The following MYO1E variants were observed in gnomAD, a reference collection of about 807,000 sequenced individuals.
MYO1E encodes unconventional myosin-Ie.
In MYO1E, 68 loss-of-function variants were observed where a neutral mutation model predicts 151.1. The ratio of observed to expected loss-of-function variants is 0.45; its 90% CI spans 0.37 to 0.55. The LOEUF is 0.55. Ranked by LOEUF, MYO1E falls within the 20% of genes least tolerant of loss-of-function variation. MYO1E has a pLI of 0.00. For synonymous variants in MYO1E, 601 were observed against 501.7 expected, an observed-to-expected ratio of 1.20 and a Z score of -2.64; for missense variants, 1,363 against 1,389.3, an observed-to-expected ratio of 0.98 and a Z score of 0.30.
intron 1 of MYO1E, among the ~76,000 whole-genome samples, chr15:59,273,862 C>A (rs62002722): frequency 0.16 from 23,966 of 152,024 alleles, 1,979 homozygotes; most frequent in Non-Finnish European, 0.19. Context: ...GCCCCTGCCC[C>A]CTCCCTGCTC....
chr15:59,232,455 G>A (rs913124266), intron 5 of MYO1E, among the ~76,000 whole-genome samples: 5 of 152,202 alleles, frequency 3.3e-5, no homozygotes, highest in African/African-American at 1.2e-4. Flanking sequence ...ACAGTGGATC[G>A]TGTGGAACGA....
intron 16 of MYO1E, among the ~76,000 whole-genome samples, chr15:59,196,284 G>C (rs2079765848): frequency 6.6e-6 from 1 of 152,100 alleles, no homozygotes; most frequent in African/African-American, 2.4e-5. Context: ...ACTCAAAGTA[G>C]AACTGGATTC....
At chr15:59,234,850 A>G (rs1235271198) in intron 5 of MYO1E, among the ~76,000 whole-genome samples, 2 of 150,742 alleles carry the variant, frequency 1.3e-5, no homozygotes, top group Non-Finnish European at 2.9e-5. Context: ...AAAGGGAACC[A>G]CAATAAAGAG....
intron 1 of MYO1E, among the ~76,000 whole-genome samples, chr15:59,276,764 C>T (rs2080321734): frequency 6.6e-6 from 1 of 152,182 alleles, no homozygotes; most frequent in Non-Finnish European, 1.5e-5. Context: ...GATTCCCTGA[C>T]TGATTTTTTC....
Position 59,183,519 on chromosome 15 carries a change from G to C in MYO1E, c.1904+4599C>G, listed in dbSNP as rs574671005. ...CTGGACTGATAAGTTTTTTTTGGGG[G>C]GTGGATACATAGTAGGTATACATAT... is the stretch of plus-strand genomic sequence containing the variant. On this transcript the variant is annotated intron_variant, in intron 18 of 27. Transcript: ENST00000288235. 6.6e-5 allele frequency among the ~76,000 whole-genome samples: 10 copies of C among 151,858 alleles called. No homozygotes were observed. In the South Asian group the frequency reaches 1.9e-3, roughly 28 times the overall value.
chr15:59,336,654 GGTTT>G (rs1459961416), intron 1 of MYO1E, among the ~76,000 whole-genome samples: 1 of 151,830 alleles, frequency 6.6e-6, no homozygotes, highest in Non-Finnish European at 1.5e-5. Flanking sequence ...AGAACGTGCG[GGTTT>G]GTTACATAGG....
rs150973110 is a variant in MYO1E, at chr15:59,230,053, A to G, written c.510+1649T>C. ...TTAAAATTTTAATAACAATTGCCCA[A>G]TCACTTTCCTGGAAGAATGTGTCAG... On this transcript the variant is annotated intron_variant, in intron 6 of 27. Coordinates refer to ENST00000288235, the MANE Select transcript of MYO1E (RefSeq NM_004998.4). 3.0e-4 allele frequency among the ~76,000 whole-genome samples: 46 copies of G among 152,314 alleles called. No individual in the cohort carries two copies. The East Asian group carries it at 8.3e-3, about 27-fold the overall frequency.
intron 26 of MYO1E, among the ~76,000 whole-genome samples, chr15:59,140,232 T>G (rs1373328804): frequency 6.6e-6 from 1 of 152,212 alleles, no homozygotes; most frequent in African/African-American, 2.4e-5. Context: ...ATCTTCTAGC[T>G]TTAAAGTTAT....
intron 22 of MYO1E, among the ~76,000 whole-genome samples, chr15:59,164,919 G>A (rs1163267252): frequency 3.3e-5 from 5 of 152,158 alleles, no homozygotes; most frequent in African/African-American, 1.2e-4. Flanking sequence ...TAAGTTACAA[G>A]GAAGAGGTCC....
intron 26 of MYO1E, among the ~76,000 whole-genome samples, chr15:59,152,244 C>T (rs1170755334): frequency 6.6e-6 from 1 of 152,094 alleles, no homozygotes; most frequent in Non-Finnish European, 1.5e-5. Context: ...AAGCAACCAA[C>T]CAACAAACAA....
At chr15:59,192,602 T>C (rs149349194) in intron 17 of MYO1E, among the ~76,000 whole-genome samples, 7 of 152,316 alleles carry the variant, frequency 4.6e-5, no homozygotes, top group Non-Finnish European at 8.8e-5. Flanking sequence ...GGGAGTCTTT[T>C]TCCAAGACTG....
chr15:59,368,945 T>C (rs1246384216), intron 1 of MYO1E, among the ~76,000 whole-genome samples: 5 of 152,208 alleles, frequency 3.3e-5, no homozygotes, highest in African/African-American at 1.2e-4. Flanking sequence ...CACTTGTCCC[T>C]AGATAATGTC....
At chr15:59,260,205 C>T (rs563357618) in intron 3 of MYO1E, among the ~76,000 whole-genome samples, 1 of 152,332 alleles carries the variant, frequency 6.6e-6, no homozygotes, top group Admixed American at 6.5e-5. Context: ...CCATCTACAG[C>T]GCCTTGGCTG....
chr15:59,294,661 C>A (rs373660379), intron 1 of MYO1E, among the ~76,000 whole-genome samples: 1 of 152,154 alleles, frequency 6.6e-6, no homozygotes, highest in African/African-American at 2.4e-5. Context: ...CCCCACAGGA[C>A]GGGGGTTTGA....
chr15:59,241,832 T>C (rs1192082864), intron 4 of MYO1E, among the ~76,000 whole-genome samples: 1 of 151,996 alleles, frequency 6.6e-6, no homozygotes, highest in African/African-American at 2.4e-5. Flanking sequence ...GGTGGGAGGA[T>C]TGTTTGAGTC....
chr15:59,147,870 G>A (rs1482379468), intron 26 of MYO1E, among the ~76,000 whole-genome samples: 3 of 151,894 alleles, frequency 2.0e-5, no homozygotes, highest in Middle Eastern at 3.2e-3. Flanking sequence ...CCCATTCCCC[G>A]CATTACAGCC....
chr15:59,372,017 G>A (rs1271910494), intron 1 of MYO1E, among the ~76,000 whole-genome samples: 1 of 149,906 alleles, frequency 6.7e-6, no homozygotes, highest in South Asian at 2.1e-4. Context: ...GCCGGGCAGC[G>A]GAGCGGCGGC....
At chr15:59,279,551 G>A (rs2080340999) in intron 1 of MYO1E, among the ~76,000 whole-genome samples, 1 of 152,132 alleles carries the variant, frequency 6.6e-6, no homozygotes, top group South Asian at 2.1e-4. Context: ...ACACAAATCA[G>A]TCAACCTCTT....
At chr15:59,317,175 T>C (rs1237165850) in intron 1 of MYO1E, among the ~76,000 whole-genome samples, 2 of 152,238 alleles carry the variant, frequency 1.3e-5, no homozygotes, top group African/African-American at 4.8e-5. Context: ...CCAGATACTT[T>C]GCTATAAGTT....
Sources: gnomAD v4.1 joint callset for allele counts (sites outside exome capture counted in the v4.1 genomes callset) on GRCh38, gnomAD v4.1.1 for gene constraint, MANE v1.5 for transcripts, NCBI Gene and HGNC (gene_info 2026-07-23, HGNC 2026-07-21) for gene names.